PDZD2: variants seen among roughly 807,000 people sequenced by gnomAD.
PDZD2 encodes PDZ domain-containing protein 2.
Under a neutral mutation model 220.7 loss-of-function variants are expected in PDZD2, and 90 were observed. The observed-to-expected ratio is 0.41, with a 90% CI of 0.34 to 0.49. The LOEUF is 0.49. Ranked by LOEUF, PDZD2 falls within the 20% of genes least tolerant of loss-of-function variation. PDZD2 has a pLI of 0.28. For synonymous variants in PDZD2, 1,375 were observed against 1,450.5 expected, an observed-to-expected ratio of 0.95 and a Z score of 1.18; for missense variants, 3,174 against 3,608.5, an observed-to-expected ratio of 0.88 and a Z score of 3.08.
chr5:31,867,586 G>A (rs1213637478), intron 2 of PDZD2, among the ~76,000 whole-genome samples: 1 of 152,148 alleles, frequency 6.6e-6, no homozygotes, highest in East Asian at 1.9e-4. Flanking sequence ...CAAGGACCAG[G>A]GTATCAGGTG....
intron 2 of PDZD2, among the ~76,000 whole-genome samples, chr5:31,948,229 G>A (rs1163821494): frequency 2.6e-5 from 4 of 152,088 alleles, no homozygotes; most frequent in African/African-American, 7.2e-5. Flanking sequence ...TCCAGAGTTC[G>A]GAGTTGTTTG....
intron 2 of PDZD2, chr5:31,840,443 TATA>T (rs1561499406): frequency 0.027 from 2,799 of 104,888 alleles, 341 homozygotes; most frequent in African/African-American, 0.035. Context: ...TATATATATA[TATA>T]TATTTGTTTA....
intron 2 of PDZD2, among the ~76,000 whole-genome samples, chr5:31,975,093 T>C (rs1749630372): frequency 6.6e-6 from 1 of 152,228 alleles, no homozygotes; most frequent in South Asian, 2.1e-4. Flanking sequence ...TAATTAAATG[T>C]ACACATTTTG....
rs1750465550 is a variant in PDZD2, at chr5:31,983,474, C to G, written c.796C>G (p.Leu266Val). Reference sequence around the variant, plus strand: ...ACTTGGAAACGGCCATGTCTTTCAGCTAGAAAATGGCCCAGATTCTCTCAA... The same window carrying G: ...ACTTGGAAACGGCCATGTCTTTCAGGTAGAAAATGGCCCAGATTCTCTCAA... Reference protein sequence around the residue: ...PELGNGHVFQLENGPDSLKEV... With the variant: ...PELGNGHVFQVENGPDSLKEV... Residue 266 changes from leucine to valine, a missense_variant, in exon 3 of 25, where the codon CTA (leucine) becomes GTA (valine). Physicochemically the swap from Leu to Val is conservative, Grantham distance 32. This residue lies in a region of PDZD2 where 632 missense variants were observed against 708.1 expected (regional missense o/e 0.89). Transcript: ENST00000438447. 6.2e-7 allele frequency: 1 copy of G among 1,614,016 alleles called. No individual in the cohort carries two copies. Among genetic ancestry groups the G allele is most frequent in the Non-Finnish European group, 8.5e-7 (1 of 1,180,020 alleles).
chr5:31,758,272 G>T (rs1334335157), intron 1 of PDZD2, among the ~76,000 whole-genome samples: 1 of 152,238 alleles, frequency 6.6e-6, no homozygotes, highest in Non-Finnish European at 1.5e-5. Flanking sequence ...TTCAGTCCAT[G>T]AATGCTTCAA....
At chr5:31,896,579 C>T (rs1380251701) in intron 2 of PDZD2, among the ~76,000 whole-genome samples, 4 of 152,160 alleles carry the variant, frequency 2.6e-5, no homozygotes, top group African/African-American at 9.7e-5. Context: ...GACTGTTAAA[C>T]AGGTTAAAGT....
chr5:32,050,838 A>G (rs753697443), intron 8 of PDZD2, among the ~76,000 whole-genome samples: 1 of 152,176 alleles, frequency 6.6e-6, no homozygotes, highest in Admixed American at 6.5e-5. Flanking sequence ...AACAAATAAA[A>G]TAAATAAATA....
At chr5:31,783,084 G>A (rs1482409153) in intron 1 of PDZD2, among the ~76,000 whole-genome samples, 2 of 152,112 alleles carry the variant, frequency 1.3e-5, no homozygotes, top group Admixed American at 6.6e-5. Context: ...TATTTTAGAT[G>A]AAGTTGGTTT....
In PDZD2 at chr5:32,074,427, C is replaced by G. The variant is rs1741083533; in HGVS notation, c.3321C>G (p.Pro1107=). The G allele has an allele frequency of 2.5e-6, 4 of 1,614,246 alleles. No homozygotes were observed. The highest frequency in any genetic ancestry group is 4.5e-5 in the East Asian group (2 of 44,876). The change falls in exon 18 of 25, where the codon CCC becomes CCG. Residue 1107 remains proline, a synonymous_variant. Transcript: ENST00000438447. ...CGAACACTGGGAGCCCCAGTTCCCC[C>G]CAGCAGAAAAGTGAAGGCCTGGGCT... ...SPTNTGSPSS[P]QQKSEGLGSR...
intron 2 of PDZD2, among the ~76,000 whole-genome samples, chr5:31,981,489 G>A (rs1750296261): frequency 6.6e-6 from 1 of 152,096 alleles, no homozygotes; most frequent in African/African-American, 2.4e-5. Flanking sequence ...TTGATGATCT[G>A]GCCTCCTTCC....
intron 1 of PDZD2, among the ~76,000 whole-genome samples, chr5:31,700,048 C>G (rs1747549736): frequency 6.6e-6 from 1 of 152,006 alleles, no homozygotes; most frequent in Non-Finnish European, 1.5e-5. Context: ...TGGAAGCCAG[C>G]CTGGAGTGGG....
At chr5:32,070,887 C>T (rs371014266) in intron 15 of PDZD2, among the ~76,000 whole-genome samples, 12 of 88,742 alleles carry the variant, frequency 1.4e-4, no homozygotes, top group African/African-American at 4.3e-4. Flanking sequence ...CCCAGCTACC[C>T]GGGAGGCTGA....
chr5:31,895,025 G>A (rs1375562280), intron 2 of PDZD2, among the ~76,000 whole-genome samples: 1 of 152,132 alleles, frequency 6.6e-6, no homozygotes, highest in Non-Finnish European at 1.5e-5. Context: ...GAGTAGCTGG[G>A]ATTACAGGCA....
chr5:32,074,212 G>T lies in PDZD2; in HGVS notation c.3106G>T (p.Gly1036Cys). Residue 1036 changes from glycine to cysteine, a missense_variant, in exon 18 of 25, where the codon GGT becomes TGT. Coordinates refer to ENST00000438447, the MANE Select transcript of PDZD2 (RefSeq NM_178140.4). ...CAAGGCCATCTCGGCACCTCTTCTT[G>T]GTAGCTCAGTGGACTTAGAGGAGAG... ...VSKAISAPLL[G>C]SSVDLEESIP... 1.2e-6 allele frequency: 2 copies of T among 1,614,220 alleles called. No homozygotes were observed. The highest frequency in any genetic ancestry group is 1.7e-6 in the Non-Finnish European group (2 of 1,180,046).
intron 2 of PDZD2, among the ~76,000 whole-genome samples, chr5:31,865,007 C>A (rs1375858256): frequency 6.6e-6 from 1 of 151,732 alleles, no homozygotes; most frequent in Non-Finnish European, 1.5e-5. Flanking sequence ...CGCCACCACG[C>A]CTGGCTAATT....
chr5:31,943,618 G>A (rs934430724), intron 2 of PDZD2, among the ~76,000 whole-genome samples: 14 of 152,288 alleles, frequency 9.2e-5, no homozygotes, highest in East Asian at 7.7e-4. Context: ...AAACACTTGC[G>A]TGCTTAGCTA....
intron 3 of PDZD2, among the ~76,000 whole-genome samples, chr5:31,989,644 G>A (rs1414386395): frequency 1.3e-5 from 2 of 151,972 alleles, no homozygotes; most frequent in East Asian, 1.9e-4. Flanking sequence ...GGCTGGCCTC[G>A]AGCTCCTGAC....
intron 2 of PDZD2, among the ~76,000 whole-genome samples, chr5:31,956,306 A>G (rs912806499): frequency 6.6e-6 from 1 of 150,680 alleles, no homozygotes; most frequent in African/African-American, 2.4e-5. Flanking sequence ...GTTGGGTGAA[A>G]AACAACAGAA....
intron 2 of PDZD2, among the ~76,000 whole-genome samples, chr5:31,912,043 C>T (rs890202008): frequency 9.2e-5 from 14 of 152,178 alleles, no homozygotes; most frequent in Admixed American, 3.9e-4. Context: ...ACCCTGGCCC[C>T]GGCCCCAGCC....
Sources: allele counts gnomAD v4.1 joint callset (sites outside exome capture counted in the v4.1 genomes callset), GRCh38; gene constraint gnomAD v4.1.1; regional missense constraint gnomAD v4.1.1; transcripts MANE v1.5; gene names NCBI Gene and HGNC (gene_info 2026-07-23, HGNC 2026-07-21).